Variants in GUCY1A2 observed in about 807,000 individuals in gnomAD.
The protein encoded by GUCY1A2 is guanylate cyclase 1 soluble subunit alpha 2, also known as guanylate cyclase soluble subunit alpha-2.
Under a neutral mutation model 63.5 loss-of-function variants are expected in GUCY1A2, and 27 were observed. The ratio of observed to expected loss-of-function variants is 0.43; its 90% confidence interval spans 0.31 to 0.59. The LOEUF (loss-of-function observed/expected upper bound fraction) is 0.59. GUCY1A2 is among the 20% of genes least tolerant of loss of function. The pLI is 0.11. For synonymous variants in GUCY1A2, 364 were observed against 343.5 expected, an observed-to-expected ratio of 1.06 and a Z score of -0.66; for missense variants, 768 against 913.3, an observed-to-expected ratio of 0.84 and a Z score of 2.05.
chr11:106,889,952 G>A (rs2135477342), intron 4 of GUCY1A2, among the ~76,000 whole-genome samples: 1 of 152,228 alleles, frequency 6.6e-6, no homozygotes, highest in Non-Finnish European at 1.5e-5. Flanking sequence ...TGTACTAAGA[G>A]TCCACCTTAT....
chr11:106,895,479 G>A (rs1285579943), intron 4 of GUCY1A2, among the ~76,000 whole-genome samples: 4 of 152,130 alleles, frequency 2.6e-5, no homozygotes, highest in Admixed American at 2.6e-4. Flanking sequence ...ATGAATCATG[G>A]GGGCAGGTTT....
intron 3 of GUCY1A2, among the ~76,000 whole-genome samples, chr11:106,952,052 A>G (rs999977139): frequency 3.3e-5 from 5 of 152,184 alleles, no homozygotes; most frequent in African/African-American, 1.2e-4. Flanking sequence ...GGTTGCAGAT[A>G]TGTGGTGTTA....
At chr11:106,932,682 G>A (rs1860619388) in intron 4 of GUCY1A2, among the ~76,000 whole-genome samples, 1 of 152,016 alleles carries the variant, frequency 6.6e-6, no homozygotes, top group African/African-American at 2.4e-5. Flanking sequence ...TAAGCAAAAA[G>A]AACAAAGCCA....
intron 6 of GUCY1A2, among the ~76,000 whole-genome samples, chr11:106,759,851 C>A (rs185822490): frequency 2.0e-5 from 3 of 152,348 alleles, no homozygotes; most frequent in Admixed American, 2.0e-4. Context: ...AGGAGAATTG[C>A]TTGAACCTGG....
Position 107,007,886 on chromosome 11 carries a change from CTT to C in GUCY1A2, c.303+9865_303+9866del, listed in dbSNP as rs1367308456. Among the ~76,000 whole-genome samples the C allele has an allele frequency of 6.7e-3, 963 of 143,938 alleles. 98 individuals are homozygous for C. The East Asian group carries it at 0.079, about 12-fold the overall frequency. 94.4% of individuals were successfully genotyped at this position (143,938 alleles called of 152,430 possible). A position where few individuals can be genotyped will look rare whatever the true frequency, so the allele number is the denominator to read the frequency against. ...CATGATAGATTTACTGTCCCTCTAG[CTT>C]ACAGATACACATTTCTTTAGGAGAT... On this transcript the variant is annotated intron_variant, in intron 1 of 7. Coordinates refer to ENST00000526355, the MANE Select transcript of GUCY1A2 (RefSeq NM_000855.3).
chr11:106,863,721 T>C (rs1859547435), intron 4 of GUCY1A2, among the ~76,000 whole-genome samples: 1 of 152,190 alleles, frequency 6.6e-6, no homozygotes, highest in Non-Finnish European at 1.5e-5. Context: ...ATAATTACTT[T>C]GGGCAGTATG....
At chr11:106,768,672 C>G (rs1456202574) in intron 6 of GUCY1A2, among the ~76,000 whole-genome samples, 1 of 152,040 alleles carries the variant, frequency 6.6e-6, no homozygotes, top group African/African-American at 2.4e-5. Context: ...TTGAATTACC[C>G]TATGCTGGTC....
intron 3 of GUCY1A2, among the ~76,000 whole-genome samples, chr11:106,962,053 T>G (rs1377966167): frequency 6.6e-6 from 1 of 152,210 alleles, no homozygotes; most frequent in South Asian, 2.1e-4. Flanking sequence ...AGTTCCTATG[T>G]GGAGATACCA....
At chr11:106,873,681 T>G (rs1859711480) in intron 4 of GUCY1A2, among the ~76,000 whole-genome samples, 1 of 152,178 alleles carries the variant, frequency 6.6e-6, no homozygotes, top group Non-Finnish European at 1.5e-5. Context: ...CTTTGTCAGA[T>G]GGGTAGATTG....
intron 2 of GUCY1A2, among the ~76,000 whole-genome samples, chr11:106,985,055 C>T (rs191872097): frequency 7.4e-4 from 112 of 152,124 alleles, no homozygotes; most frequent in African/African-American, 2.6e-3. Context: ...AAGATTTCTT[C>T]CCTTCTGTTC....
At chr11:106,709,523 TA>T (rs796179492) in intron 6 of GUCY1A2, among the ~76,000 whole-genome samples, 49,527 of 79,458 alleles carry the variant, frequency 0.62, 17,391 homozygotes, top group African/African-American at 0.81. Context: ...TCTATAAATA[TA>T]ATAATAATAT....
At chr11:107,005,064 G>A (rs185191244) in intron 1 of GUCY1A2, among the ~76,000 whole-genome samples, 4 of 152,242 alleles carry the variant, frequency 2.6e-5, no homozygotes, top group Admixed American at 6.5e-5. Flanking sequence ...CACACTGCCC[G>A]ATAATGGTAA....
In GUCY1A2 at chr11:106,849,722, G is replaced by A. The variant is rs556540390; in HGVS notation, c.1207-39244C>T. Among the ~76,000 whole-genome samples the A allele has an allele frequency of 2.6e-5, 4 of 151,600 alleles. No homozygotes were observed. The East Asian group carries it at 7.7e-4, about 29-fold the overall frequency. ...ACACTCTTTTGAAAAATATCTGATGGAAAACCACCAAACCTACCTGAAAAT... is the reference window on the plus strand; with the variant it reads ...ACACTCTTTTGAAAAATATCTGATGAAAAACCACCAAACCTACCTGAAAAT... On this transcript the variant is annotated intron_variant, in intron 4 of 7. Coordinates refer to ENST00000526355, the MANE Select transcript of GUCY1A2 (RefSeq NM_000855.3).
intron 4 of GUCY1A2, among the ~76,000 whole-genome samples, chr11:106,849,830 A>G (rs1859327800): frequency 6.6e-6 from 1 of 151,662 alleles, no homozygotes; most frequent in African/African-American, 2.4e-5. Context: ...CAGGAAGGAG[A>G]ACATAATAGA....
chr11:106,827,817 C>A lies in GUCY1A2; in HGVS notation c.1207-17339G>T, dbSNP rs148751261. The A allele has an allele frequency of 5.6e-6, 9 of 1,598,080 alleles. No individual in the cohort carries two copies. The African/African-American group carries it at 1.1e-4, about 19-fold the overall frequency. On this transcript the variant is annotated intron_variant, in intron 4 of 7. Coordinates refer to ENST00000526355, the MANE Select transcript of GUCY1A2 (RefSeq NM_000855.3). ...AAAGTGAGTAGCCAACTGCTCCGCA[C>A]AAGTGACGCCCGCGATGCCGCCGCC...
chr11:106,793,675 A>G (rs75989405), intron 5 of GUCY1A2, among the ~76,000 whole-genome samples: 6,825 of 152,210 alleles, frequency 0.045, 151 homozygotes, highest in East Asian at 0.095. Flanking sequence ...AAACAGCCCA[A>G]TTTAAAAATG....
intron 6 of GUCY1A2, among the ~76,000 whole-genome samples, chr11:106,758,493 C>A (rs1249367600): frequency 6.6e-6 from 1 of 152,174 alleles, no homozygotes; most frequent in Admixed American, 6.5e-5. Context: ...TCGGTTCGCC[C>A]TCCATAGGCT....
chr11:106,815,009 G>A (rs1207658379), intron 4 of GUCY1A2, among the ~76,000 whole-genome samples: 1 of 151,580 alleles, frequency 6.6e-6, no homozygotes, highest in Non-Finnish European at 1.5e-5. Flanking sequence ...TTTTAAAGAG[G>A]GCATAAGAAA....
chr11:106,873,997 GC>G (rs1398838850), intron 4 of GUCY1A2, among the ~76,000 whole-genome samples: 1 of 152,028 alleles, frequency 6.6e-6, no homozygotes. Flanking sequence ...AAATGTTAGA[GC>G]TTTCTGGAAC....
Sources: gnomAD v4.1 joint callset for allele counts (sites outside exome capture counted in the v4.1 genomes callset) on GRCh38, gnomAD v4.1.1 for gene constraint, MANE v1.5 for transcripts, NCBI Gene and HGNC (gene_info 2026-07-23, HGNC 2026-07-21) for gene names.